ZBTB11: variants seen among roughly 807,000 people sequenced by gnomAD.
ZBTB11 encodes the protein zinc finger and BTB domain-containing protein 11.
A neutral mutation model predicts 113.1 loss-of-function variants in ZBTB11; 68 were observed. The ratio of observed to expected loss-of-function variants is 0.60; its 90% CI spans 0.49 to 0.74. The LOEUF is 0.74. ZBTB11 is among the 30% of genes least tolerant of loss of function. ZBTB11 has a pLI of 0.00. For synonymous variants in ZBTB11, 518 were observed against 452.6 expected (o/e 1.14, Z -1.83); for missense variants, 1,104 against 1,279.4 (o/e 0.86, Z 2.09).
chr3:101,657,498 C>T (rs1424369822), intron 6 of ZBTB11, among the ~76,000 whole-genome samples: 1 of 151,002 alleles, frequency 6.6e-6, no homozygotes, highest in South Asian at 2.1e-4. Flanking sequence ...CAGAGTGAGA[C>T]CCTGCCTCCA....
Position 101,676,699 on chromosome 3 carries a change from C to T in ZBTB11, c.216G>A (p.Arg72=). 6.3e-7 allele frequency: 1 copy of T among 1,598,378 alleles called. No homozygotes were observed. Among genetic ancestry groups the T allele is most frequent in the Non-Finnish European group, 8.5e-7 (1 of 1,172,260 alleles). Reference sequence around the variant, plus strand: ...CCAGGTGCGCCGCCTCGATGAGGTCCCGGCGTCGCTCCGGCTGCAGCACCA... The same window carrying T: ...CCAGGTGCGCCGCCTCGATGAGGTCTCGGCGTCGCTCCGGCTGCAGCACCA... ...LEVVLQPERR[R]DLIEAAHLGP... The change falls in exon 1 of 11, where the codon CGG becomes CGA. Residue 72 remains arginine (R), a synonymous_variant. Coordinates refer to ENST00000312938, the MANE Select transcript of ZBTB11 (RefSeq NM_014415.4).
chr3:101,653,676 T>C (rs1299353413), intron 8 of ZBTB11, among the ~76,000 whole-genome samples: 1 of 152,128 alleles, frequency 6.6e-6, no homozygotes, highest in Admixed American at 6.6e-5. Flanking sequence ...ATACATCAAG[T>C]AGGAAGCTCC....
intron 1 of ZBTB11, 83 bp downstream of exon 1, chr3:101,676,522 G>A (rs957369049): frequency 1.4e-5 from 19 of 1,355,632 alleles, no homozygotes; most frequent in Admixed American, 3.5e-5. Flanking sequence ...CCTCCGACTC[G>A]TGGGTACGCA....
At chr3:101,655,980 A>G in intron 7 of ZBTB11, 124 bp downstream of exon 7, 1 of 849,260 alleles carries the variant, frequency 1.2e-6, no homozygotes, top group South Asian at 2.9e-5. Context: ...AATTTAAAAT[A>G]CTGTCTCAAT....
At chr3:101,666,542 A>G (rs1046038175) in intron 3 of ZBTB11, among the ~76,000 whole-genome samples, 25 of 152,186 alleles carry the variant, frequency 1.6e-4, no homozygotes, top group Admixed American at 5.2e-4. Context: ...GAGGTATTAC[A>G]TTCTTCTGCG....
chr3:101,651,687 A>C lies in ZBTB11; in HGVS notation c.2645-4T>G, dbSNP rs1301953538. The C allele has an allele frequency of 6.5e-6, 2 of 307,486 alleles. No individual in the cohort carries two copies. The highest frequency in any genetic ancestry group is 5.0e-5 in the South Asian group (1 of 19,972). The allele number at this position is 307,486 out of a possible 1,614,324, so 19.0% of individuals were successfully genotyped here. On this transcript the variant is annotated splice_region_variant and splice_polypyrimidine_tract_variant and intron_variant, in intron 10 of 10. Transcript: ENST00000312938. ...AAGCACTCAAATGGCTTAACTCCTAAAAAAAAAAAAAAAAAAGCATGTGTA... is the reference window on the plus strand; with the variant it reads ...AAGCACTCAAATGGCTTAACTCCTACAAAAAAAAAAAAAAAAGCATGTGTA...
rs536884581 is a variant in ZBTB11 at position 101,654,691 on chromosome 3, A to G, written c.2309+13T>C. ...ATTAAATTAACTGAATGCCTCACAT[A>G]TTGAATACTTACTGAGTACAATGAT... is the stretch of plus-strand genomic sequence containing the variant. On this transcript the variant is annotated intron_variant, in intron 8 of 10. Transcript: ENST00000312938. 17 of 1,600,282 alleles carry G rather than the reference A, an allele frequency of 1.1e-5. No individual in the cohort carries two copies. In the East Asian group the frequency reaches 1.8e-4, roughly 17 times the overall value.
At chr3:101,669,482 T>C (rs1937051014) in intron 3 of ZBTB11, among the ~76,000 whole-genome samples, 2 of 152,236 alleles carry the variant, frequency 1.3e-5, no homozygotes, top group Admixed American at 6.5e-5. Context: ...TGCTGTGCCA[T>C]AGTTTTTTTC....
intron 5 of ZBTB11, among the ~76,000 whole-genome samples, chr3:101,663,906 A>G (rs1271229676): frequency 6.6e-6 from 1 of 152,092 alleles, no homozygotes; most frequent in African/African-American, 2.4e-5. Flanking sequence ...AAAACAAAAC[A>G]AAACAAAAAC....
In ZBTB11 at chr3:101,676,992, AG is replaced by A; in HGVS notation, c.-79del. On this transcript the variant is annotated 5_prime_UTR_variant, in exon 1 of 11. Coordinates refer to ENST00000312938, the MANE Select transcript of ZBTB11 (RefSeq NM_014415.4). Reference sequence around the variant, plus strand: ...CCCGCTACCTACGGGCGGCTGCAGGAGGAGCGGCGGCACCGTAGGGAGAAAC... The same window carrying A: ...CCCGCTACCTACGGGCGGCTGCAGGAGAGCGGCGGCACCGTAGGGAGAAAC... The A allele has an allele frequency of 6.9e-7, 1 of 1,450,360 alleles. No individual in the cohort carries two copies. The allele number at this position is 1,450,360 out of a possible 1,614,324, so 89.8% of individuals were successfully genotyped here.
At chr3:101,674,494 T>G (rs1388140121) in intron 1 of ZBTB11, among the ~76,000 whole-genome samples, 1 of 152,086 alleles carries the variant, frequency 6.6e-6, no homozygotes, top group African/African-American at 2.4e-5. Context: ...GCAGATCATC[T>G]GAGCTCAGGA....
intron 3 of ZBTB11, 125 bp downstream of exon 3, chr3:101,671,005 T>G (rs961999745): frequency 4.1e-6 from 3 of 740,736 alleles, no homozygotes; most frequent in Non-Finnish European, 6.7e-6. Context: ...TCAGTACAGC[T>G]TAGTCTACTG....
At chr3:101,660,295 G>T (rs2108319538) in intron 5 of ZBTB11, among the ~76,000 whole-genome samples, 1 of 152,276 alleles carries the variant, frequency 6.6e-6, no homozygotes, top group Non-Finnish European at 1.5e-5. Context: ...AACAAAGATA[G>T]AATTCTATCA....
rs1936658715 is a variant in ZBTB11 at position 101,649,341 on chromosome 3, G to GTTTTA, written c.*1820_*1824dup. 6.6e-6 allele frequency: 1 copy of GTTTTA among 152,096 alleles called. No homozygotes were observed. Among genetic ancestry groups the GTTTTA allele is most frequent in the South Asian group, 2.1e-4 (1 of 4,824 alleles). The allele number at this position is 152,096 out of a possible 1,614,324, so 9.4% of individuals were successfully genotyped here. On this transcript the variant is annotated 3_prime_UTR_variant, in exon 11 of 11. Coordinates refer to ENST00000312938, the MANE Select transcript of ZBTB11 (RefSeq NM_014415.4). ...GTTCCTCCAATCGTTATTTTTTAGT[G>GTTTTA]TTTTATTTCCTTTCCCTTTAAAAAT...
In ZBTB11 at chr3:101,659,782, C is replaced by T; in HGVS notation, c.2046+1G>A. 1 of 1,613,818 alleles carries T rather than the reference C, an allele frequency of 6.2e-7. No individual in the cohort carries two copies. The highest frequency in any genetic ancestry group is 8.5e-7 in the Non-Finnish European group (1 of 1,179,750). The stretch of plus-strand genomic sequence containing the variant: ...TAGCAAAATAAACGTTATAGCTTTA[C>T]CTGGCATGCATGTGGCTTTACACCT... On this transcript the variant is annotated splice_donor_variant, in intron 6 of 10. Coordinates refer to ENST00000312938, the MANE Select transcript of ZBTB11 (RefSeq NM_014415.4). LOFTEE classifies it high-confidence loss of function.
In ZBTB11 at chr3:101,672,035, T is replaced by C. The variant is rs773582460; in HGVS notation, c.489A>G (p.Pro163=). 3 of 1,614,198 alleles carry C rather than the reference T, an allele frequency of 1.9e-6. No individual in the cohort carries two copies. Among genetic ancestry groups the C allele is most frequent in the Non-Finnish European group, 2.5e-6 (3 of 1,180,022 alleles). ...TTTTTGCAGGCTTGGATGCTGTAGT[T>C]GGAGATGAAGTAAAGTTGCTCAGGT... is the stretch of plus-strand genomic sequence containing the variant. The part of the protein sequence containing the change: ...EDDLSNFTSS[P]TTASKPAKKK... The change falls in exon 2 of 11, where the codon CCA becomes CCG. Residue 163 remains proline, a synonymous_variant. Transcript: ENST00000312938.
At chr3:101,666,729 C>T (rs16844120) in intron 3 of ZBTB11, among the ~76,000 whole-genome samples, 19,142 of 151,978 alleles carry the variant, frequency 0.13, 1,246 homozygotes, top group South Asian at 0.22. Flanking sequence ...TACAGCCAAG[C>T]CAATATTTTT....
rs989441243 is a variant in ZBTB11 at position 101,671,915 on chromosome 3, C to T, written c.546+63G>A. The T allele has an allele frequency of 3.8e-6, 5 of 1,324,776 alleles. No homozygotes were observed. In the African/African-American group the frequency reaches 4.3e-5, roughly 11 times the overall value. 82.1% of individuals were successfully genotyped at this position (1,324,776 alleles called of 1,614,324 possible). ...TAGTGGTTTGAGAAAAATAAGTCAC[C>T]AAGGCTGCAAATACTAGTACACTAG... is the stretch of plus-strand genomic sequence containing the variant. On this transcript the variant is annotated intron_variant, in intron 2 of 10. Coordinates refer to ENST00000312938, the MANE Select transcript of ZBTB11 (RefSeq NM_014415.4).
Position 101,671,982 on chromosome 3 carries a change from A to T in ZBTB11, c.542T>A (p.Val181Glu). 1 of 1,613,092 alleles carries T rather than the reference A, an allele frequency of 6.2e-7. No individual in the cohort carries two copies. Among genetic ancestry groups the T allele is most frequent in the South Asian group, 1.1e-5 (1 of 91,050 alleles). Residue 181 changes from valine (V) to glutamate (E), a missense_variant, in exon 2 of 11, where the codon GTG becomes GAG. Physicochemically the swap from Val to Glu is moderately radical, Grantham distance 121 (BLOSUM62 -2). Transcript: ENST00000312938. ...KKKPVSKHEL[V>E]FVDTKGVVKR... Reference sequence around the variant, plus strand: ...TGACTGGAGAGTACCACTTACAAACACAAGTTCATGTTTGGATACTGGCTT... The same window carrying T: ...TGACTGGAGAGTACCACTTACAAACTCAAGTTCATGTTTGGATACTGGCTT...
Sources: allele counts gnomAD v4.1 joint callset (sites outside exome capture counted in the v4.1 genomes callset), GRCh38; gene constraint gnomAD v4.1.1; transcripts MANE v1.5; gene names NCBI Gene and HGNC (gene_info 2026-07-23, HGNC 2026-07-21).